The following OTUD7A variants were observed in gnomAD, a reference collection of about 807,000 sequenced individuals.
OTUD7A encodes the protein OTU deubiquitinase 7A, also known as OTU domain-containing protein 7A.
In OTUD7A, 12 loss-of-function variants were observed where a neutral mutation model predicts 65.7. The ratio of observed to expected loss-of-function variants is 0.18; its 90% CI spans 0.12 to 0.30. The LOEUF is 0.30. Ranked by LOEUF, OTUD7A falls within the 10% of genes least tolerant of loss-of-function variation. The pLI is 1.00. For missense variants in OTUD7A, 1,148 were observed against 1,304.8 expected (o/e 0.88, Z 1.85); for synonymous variants, 641 against 586.3 (o/e 1.09, Z -1.35).
chr15:31,556,135 T>A (rs11852753), intron 5 of OTUD7A: 1 of 152,062 alleles, frequency 6.6e-6, no homozygotes, highest in Non-Finnish European at 1.5e-5. Context: ...AGCCATCGCG[T>A]TTGGCCACTT....
chr15:31,600,964 T>C (rs1452487342), intron 3 of OTUD7A, among the ~76,000 whole-genome samples: 1 of 152,150 alleles, frequency 6.6e-6, no homozygotes, highest in African/African-American at 2.4e-5. Context: ...ACAAAGCAAG[T>C]TCTTAGAGAC....
At chr15:31,846,943 A>C (rs1897306004) in intron 1 of OTUD7A, among the ~76,000 whole-genome samples, 2 of 152,226 alleles carry the variant, frequency 1.3e-5, no homozygotes, top group South Asian at 4.1e-4. Flanking sequence ...AGCAAGATTT[A>C]GGATAGACTA....
At chr15:31,805,582 G>A (rs990560393) in intron 1 of OTUD7A, among the ~76,000 whole-genome samples, 1 of 152,220 alleles carries the variant, frequency 6.6e-6, no homozygotes, top group African/African-American at 2.4e-5. Flanking sequence ...TTATAGAGAG[G>A]CATATTTGGA....
intron 1 of OTUD7A, among the ~76,000 whole-genome samples, chr15:31,727,630 G>A (rs963304629): frequency 3.3e-5 from 5 of 152,120 alleles, no homozygotes; most frequent in Admixed American, 2.6e-4. Flanking sequence ...TCAACCTGGT[G>A]CCAGCTGGCC....
Position 31,727,034 on chromosome 15 carries a change from G to A in OTUD7A, c.-99-69957C>T, listed in dbSNP as rs34636776. On this transcript the variant is annotated intron_variant, in intron 1 of 12. Transcript: ENST00000307050. ...CTGACTGAGAGGGAGACAGGAGGCT[G>A]TGGACCAGGGCCATGGGCCATGTGG... Among the ~76,000 whole-genome samples the A allele has an allele frequency of 2.6e-5, 4 of 152,246 alleles. No homozygotes were observed. In the South Asian group the frequency reaches 8.3e-4, roughly 32 times the overall value.
At chr15:31,699,716 G>C (rs1383684127) in intron 1 of OTUD7A, among the ~76,000 whole-genome samples, 40 of 152,052 alleles carry the variant, frequency 2.6e-4, no homozygotes, top group African/African-American at 7.0e-4. Flanking sequence ...ACTGCTTGCT[G>C]TGAGGCAGCC....
At chr15:31,559,658 T>C (rs1888623746) in intron 4 of OTUD7A, among the ~76,000 whole-genome samples, 1 of 151,962 alleles carries the variant, frequency 6.6e-6, no homozygotes. Context: ...ATAGAAACAG[T>C]TGGCACATAT....
At position 31,713,029 on chromosome 15, in the gene OTUD7A, A is replaced by AT. The variant is rs144650327; in HGVS notation, c.-99-55953dup. Among the ~76,000 whole-genome samples the AT allele has an allele frequency of 3.8e-3, 577 of 152,342 alleles. 3 individuals are homozygous for AT. Among genetic ancestry groups the AT allele is most frequent in the African/African-American group, 0.013 (541 of 41,568 alleles). On this transcript the variant is annotated intron_variant, in intron 1 of 12. Coordinates refer to ENST00000307050, the MANE Select transcript of OTUD7A (RefSeq NM_001382637.1). The stretch of plus-strand genomic sequence containing the variant: ...ACTTCCATATTGCTGTCAAACTTCA[A>AT]TACTGACATTCTGTTGCATGTGGCT...
chr15:31,484,834 T>TTCACTG lies in OTUD7A; in HGVS notation c.1372-116_1372-111dup. 1 of 1,475,970 alleles carries TTCACTG rather than the reference T, an allele frequency of 6.8e-7. No individual in the cohort carries two copies. 91.4% of individuals were successfully genotyped at this position (1,475,970 alleles called of 1,614,324 possible). A position where few individuals can be genotyped will look rare whatever the true frequency, so the allele number is the denominator to read the frequency against. On this transcript the variant is annotated intron_variant, in intron 12 of 12. Transcript: ENST00000307050. The surrounding 1 kb of genome is among the most constrained non-coding windows in gnomAD (Gnocchi z 4.5). The stretch of plus-strand genomic sequence containing the variant: ...GTTGCCGAGGCTAGGGCCCTGGACC[T>TTCACTG]TCACTGTCCCAGTCCCCACTGTCGC...
chr15:31,599,470 A>T (rs1318947915), intron 3 of OTUD7A, among the ~76,000 whole-genome samples: 2 of 152,240 alleles, frequency 1.3e-5, no homozygotes, highest in Non-Finnish European at 2.9e-5. Flanking sequence ...ATTCACTCAG[A>T]GATCCCATCC....
At chr15:31,799,067 C>G in intron 1 of OTUD7A, among the ~76,000 whole-genome samples, 1 of 152,194 alleles carries the variant, frequency 6.6e-6, no homozygotes, top group Non-Finnish European at 1.5e-5. Flanking sequence ...GATTTCTGAG[C>G]AGAGCAAATA....
chr15:31,774,977 T>TA lies in OTUD7A; in HGVS notation c.-100+95529dup, dbSNP rs3046536. 1.7e-3 allele frequency among the ~76,000 whole-genome samples: 243 copies of TA among 144,586 alleles called. 4 individuals carry two copies. The highest frequency in any genetic ancestry group is 3.4e-3 in the African/African-American group (134 of 38,876). 94.9% of individuals were successfully genotyped at this position (144,586 alleles called of 152,430 possible). ...GAACAGTTTTGATTGAAAAGATAGT[T>TA]AAAAAAAAAAAGTGATACTGCTGTA... On this transcript the variant is annotated intron_variant, in intron 1 of 12. Coordinates refer to ENST00000307050, the MANE Select transcript of OTUD7A (RefSeq NM_001382637.1).
intron 1 of OTUD7A, among the ~76,000 whole-genome samples, chr15:31,777,555 A>G (rs914250850): frequency 2.6e-5 from 4 of 152,064 alleles, no homozygotes; most frequent in African/African-American, 9.7e-5. Context: ...CACCCTATGA[A>G]GGCAGCTGGG....
intron 6 of OTUD7A, among the ~76,000 whole-genome samples, chr15:31,529,073 C>G (rs2042052853): frequency 6.6e-6 from 1 of 152,180 alleles, no homozygotes; most frequent in African/African-American, 2.4e-5. Context: ...AGGGAAAATG[C>G]TGTGGGGTGT....
intron 4 of OTUD7A, among the ~76,000 whole-genome samples, chr15:31,562,755 G>A (rs774524223): frequency 5.9e-5 from 9 of 152,192 alleles, no homozygotes; most frequent in Non-Finnish European, 7.3e-5. Flanking sequence ...GGGCCATGCA[G>A]TCTCAACTAC....
At chr15:31,720,175 C>A (rs1243119829) in intron 1 of OTUD7A, among the ~76,000 whole-genome samples, 2 of 150,224 alleles carry the variant, frequency 1.3e-5, no homozygotes, top group Non-Finnish European at 3.0e-5. Context: ...AAATTGCTCA[C>A]AAGACTAACA....
Position 31,837,372 on chromosome 15 carries a change from CAAAAAAAA to C in OTUD7A, c.-100+33127_-100+33134del, listed in dbSNP as rs57479397. ...TGAAACCCCATCTCTACTAAAAATA[CAAAAAAAA>C]AAAAAAAAAAAAAAAATTAGCCAGG... On this transcript the variant is annotated intron_variant, in intron 1 of 12. Transcript: ENST00000307050. 2.2e-3 allele frequency among the ~76,000 whole-genome samples: 270 copies of C among 120,304 alleles called. 1 individual carries two copies. Among genetic ancestry groups the C allele is most frequent in the African/African-American group, 4.2e-3 (130 of 30,996 alleles). The allele number at this position is 120,304 out of a possible 152,430, so 78.9% of individuals were successfully genotyped here.
chr15:31,832,543 T>C (rs1289051468), intron 1 of OTUD7A, among the ~76,000 whole-genome samples: 3 of 152,224 alleles, frequency 2.0e-5, no homozygotes, highest in Non-Finnish European at 4.4e-5. Context: ...TGTACAACCA[T>C]CAACAGAACT....
At chr15:31,762,662 A>T (rs1983069) in intron 1 of OTUD7A, among the ~76,000 whole-genome samples, 150,494 of 152,348 alleles carry the variant, frequency 0.99, 74,365 homozygotes, top group East Asian at 1. Context: ...CAAATAGCAT[A>T]GCGAAAGCTC....
Sources: allele counts gnomAD v4.1 joint callset (sites outside exome capture counted in the v4.1 genomes callset), GRCh38; gene constraint gnomAD v4.1.1; non-coding constraint Gnocchi (gnomAD v3.1); transcripts MANE v1.5; gene names NCBI Gene and HGNC (gene_info 2026-07-23, HGNC 2026-07-21).